Variants in POLN observed in about 807,000 individuals in gnomAD.
POLN encodes DNA polymerase nu, also known as DNA polymerase N.
POLN carries 108 observed loss-of-function variants against 113.5 expected under a neutral mutation model. That is an observed-to-expected ratio of 0.95 (90% CI 0.81 to 1.12). POLN has a LOEUF of 1.12. Among genes scored for constraint, POLN ranks in the 50% most tolerant of loss-of-function variants. The pLI is 0.00. For missense variants in POLN, 1,097 were observed against 1,077.1 expected (o/e 1.02, Z -0.26); for synonymous variants, 386 against 391.5 (o/e 0.99, Z 0.17).
At chr4:2,178,884 T>C (rs887344411) in intron 8 of POLN, among the ~76,000 whole-genome samples, 4 of 152,150 alleles carry the variant, frequency 2.6e-5, no homozygotes, top group African/African-American at 7.2e-5. Context: ...AGTGCTGTGA[T>C]TACAGGCATG....
intron 18 of POLN, among the ~76,000 whole-genome samples, chr4:2,128,687 A>G (rs149946035): frequency 1.3e-5 from 2 of 152,244 alleles, no homozygotes; most frequent in East Asian, 1.9e-4. Flanking sequence ...GGCCAAAGGT[A>G]TCTGGGATTT....
At chr4:2,186,521 C>T (rs1264281722) in intron 7 of POLN, among the ~76,000 whole-genome samples, 3 of 151,968 alleles carry the variant, frequency 2.0e-5, no homozygotes, top group East Asian at 3.9e-4. Context: ...TTGCTAGAGC[C>T]GAGGCACACC....
intron 6 of POLN, among the ~76,000 whole-genome samples, chr4:2,198,012 G>A (rs980325355): frequency 9.8e-5 from 15 of 152,286 alleles, no homozygotes; most frequent in African/African-American, 3.4e-4. Flanking sequence ...GAGCAACCCC[G>A]CCTGCTCTAA....
chr4:2,121,673 G>T (rs1307609361), intron 19 of POLN, among the ~76,000 whole-genome samples: 1 of 152,060 alleles, frequency 6.6e-6, no homozygotes, highest in East Asian at 1.9e-4. Flanking sequence ...GATGTCTGCA[G>T]AATCTATGGA....
rs73796969 is a variant in POLN at position 2,215,323 on chromosome 4, T to C, written c.134-2197A>G. Among the ~76,000 whole-genome samples, 724 of 152,306 alleles carry C rather than the reference T, an allele frequency of 4.8e-3. 6 individuals carry two copies. Among genetic ancestry groups the C allele is most frequent in the African/African-American group, 0.016 (683 of 41,562 alleles). On this transcript the variant is annotated intron_variant, in intron 3 of 25. Coordinates refer to ENST00000511885, the MANE Select transcript of POLN (RefSeq NM_181808.4). ...AATAATGACCAAATCTCCCCGCTTA[T>C]GCACACGAAGATGTTACGCACATAA...
At position 2,208,399 on chromosome 4, in the gene POLN, G is replaced by C; in HGVS notation, c.302C>G (p.Ser101Cys). Residue 101 changes from serine (S) to cysteine (C), a missense_variant, in exon 5 of 26, where the codon TCT (serine) becomes TGT (cysteine). Coordinates refer to ENST00000511885, the MANE Select transcript of POLN (RefSeq NM_181808.4). The part of the protein sequence containing the change: ...SFSVRLTDQL[S>C]ADQKQKSISS... ...GATGCTCTTCTGTTTTTGGTCAGCAGACAGCTGATCTGTGAGCCTGACACT... is the reference window on the plus strand; with the variant it reads ...GATGCTCTTCTGTTTTTGGTCAGCACACAGCTGATCTGTGAGCCTGACACT... The C allele has an allele frequency of 1.2e-6, 2 of 1,612,558 alleles. No homozygotes were observed. The highest frequency in any genetic ancestry group is 1.7e-6 in the Non-Finnish European group (2 of 1,179,778).
intron 13 of POLN, among the ~76,000 whole-genome samples, chr4:2,166,552 T>C (rs752533067): frequency 6.6e-6 from 1 of 152,186 alleles, no homozygotes; most frequent in Non-Finnish European, 1.5e-5. Context: ...CAGAGGAGGC[T>C]GGCATGTGGG....
At chr4:2,072,469 C>T (rs972036509) in intron 25 of POLN, among the ~76,000 whole-genome samples, 170 bp from the exon 26 acceptor site, 13 of 152,238 alleles carry the variant, frequency 8.5e-5, no homozygotes, top group Non-Finnish European at 4.4e-5. Context: ...TCACCACACT[C>T]GCCCAGCAAC....
intron 19 of POLN, among the ~76,000 whole-genome samples, chr4:2,116,912 A>G (rs1202734711): frequency 6.6e-6 from 1 of 152,260 alleles, no homozygotes; most frequent in Non-Finnish European, 1.5e-5. Flanking sequence ...TTAATGAAGC[A>G]GACAGAAAGT....
intron 2 of POLN, chr4:2,240,464 C>G: frequency 6.2e-7 from 1 of 1,613,880 alleles, no homozygotes; most frequent in Non-Finnish European, 8.5e-7. Flanking sequence ...CATTACTGAT[C>G]TTAGTGATCA....
Position 2,171,183 on chromosome 4 carries a change from T to G in POLN, c.1375-2A>C, listed in dbSNP as rs753103731. On this transcript the variant is annotated splice_acceptor_variant, in intron 11 of 25. Coordinates refer to ENST00000511885, the MANE Select transcript of POLN (RefSeq NM_181808.4). LOFTEE classifies it high-confidence loss of function. Reference sequence around the variant, plus strand: ...TTGCTCCAATTCCTTGAGACGAGCCTGAAAATATGATACACACAATTAATT... The same window carrying G: ...TTGCTCCAATTCCTTGAGACGAGCCGGAAAATATGATACACACAATTAATT... 5 of 1,608,012 alleles carry G rather than the reference T, an allele frequency of 3.1e-6. No individual in the cohort carries two copies. The East Asian group carries it at 1.1e-4, about 36-fold the overall frequency.
At chr4:2,086,196 G>A (rs1165318717) in intron 20 of POLN, among the ~76,000 whole-genome samples, 1 of 152,354 alleles carries the variant, frequency 6.6e-6, no homozygotes, top group African/African-American at 2.4e-5. Flanking sequence ...GTTGGGGCCA[G>A]GCATGTGGTG....
intron 2 of POLN, among the ~76,000 whole-genome samples, chr4:2,235,306 C>A (rs1734722458): frequency 6.6e-6 from 1 of 152,158 alleles, no homozygotes; most frequent in Admixed American, 6.5e-5. Context: ...GGAGACCTTT[C>A]AAAAAACAAA....
chr4:2,185,640 A>G (rs9990912), intron 7 of POLN, among the ~76,000 whole-genome samples: 37,437 of 151,948 alleles, frequency 0.25, 7,115 homozygotes, highest in African/African-American at 0.51. Context: ...CAGCTACTCA[A>G]GAGGCTGAGT....
chr4:2,232,143 A>G (rs1006832717), intron 2 of POLN: 1 of 1,545,946 alleles, frequency 6.5e-7, no homozygotes, highest in Non-Finnish European at 8.8e-7. Context: ...CAACTTTATG[A>G]AACTGCTCTG....
intron 2 of POLN, chr4:2,230,865 C>T (rs1044518490): frequency 6.6e-5 from 10 of 152,056 alleles, no homozygotes; most frequent in East Asian, 1.9e-4. Flanking sequence ...TTTAGAGCAA[C>T]GCTTAAAATA....
chr4:2,186,796 G>C (rs1303777020), intron 7 of POLN, among the ~76,000 whole-genome samples: 2 of 152,186 alleles, frequency 1.3e-5, no homozygotes, highest in African/African-American at 4.8e-5. Context: ...GACCTTAACA[G>C]GATGGCGACA....
In POLN at chr4:2,165,018, C is replaced by T. The variant is rs184451790; in HGVS notation, c.1554+5661G>A. On this transcript the variant is annotated intron_variant, in intron 13 of 25. Coordinates refer to ENST00000511885, the MANE Select transcript of POLN (RefSeq NM_181808.4). ...GCAGCTACCCAGGAAGACAGTTTGG[C>T]GGTTTCTTACAAAACTAAATGTACT... Among the ~76,000 whole-genome samples the T allele has an allele frequency of 7.2e-5, 11 of 151,948 alleles. No homozygotes were observed. In the East Asian group the frequency reaches 1.4e-3, roughly 19 times the overall value.
chr4:2,159,107 T>C (rs1732512371), intron 14 of POLN, 48 bp downstream of exon 14: 3 of 1,375,278 alleles, frequency 2.2e-6, no homozygotes, highest in African/African-American at 2.9e-5. Flanking sequence ...GGCCATATGG[T>C]TCCCCCTCAT....
Sources: gnomAD v4.1 joint callset for allele counts (sites outside exome capture counted in the v4.1 genomes callset) on GRCh38, gnomAD v4.1.1 for gene constraint, MANE v1.5 for transcripts, NCBI Gene and HGNC (gene_info 2026-07-23, HGNC 2026-07-21) for gene names.